CNST: variants seen among roughly 807,000 people sequenced by gnomAD.
CNST encodes the protein consortin.
Under a neutral mutation model 72.4 loss-of-function variants are expected in CNST, and 39 were observed. The observed-to-expected ratio is 0.54, with a 90% CI of 0.42 to 0.70. The LOEUF is 0.70. CNST is among the 30% of genes least tolerant of loss of function. The probability of loss-of-function intolerance (pLI) is 0.00; values close to 1 mark genes in which losing one functional copy is unlikely to be tolerated. For synonymous variants in CNST, 332 were observed against 320.1 expected (o/e 1.04, Z -0.40); for missense variants, 871 against 868.5 (o/e 1.00, Z -0.04).
intron 1 of CNST, among the ~76,000 whole-genome samples, chr1:246,574,881 GTAT>G (rs1290139424): frequency 4.6e-5 from 7 of 151,902 alleles, no homozygotes; most frequent in Non-Finnish European, 1.0e-4. Context: ...ATTTTTAGTA[GTAT>G]TTTATTTAAA....
In CNST at chr1:246,660,242, A is replaced by G. The variant is rs1667016468; in HGVS notation, c.1880A>G (p.Asn627Ser). ...TTGGTCTCCATATTAAAGAAGAGGA[A>G]TGATACTGTAGGAGATCATCCTGCC... is the stretch of plus-strand genomic sequence containing the variant. ...EGLVSILKKR[N>S]DTVGDHPAQM... The change falls in exon 10 of 11, where the codon AAT becomes AGT. Residue 627 changes from asparagine to serine, a missense_variant. Transcript: ENST00000366513. The G allele has an allele frequency of 1.2e-6, 2 of 1,612,958 alleles. No individual in the cohort carries two copies. The highest frequency in any genetic ancestry group is 1.7e-6 in the Non-Finnish European group (2 of 1,179,238).
At chr1:246,582,551 A>G (rs1660866109) in intron 1 of CNST, among the ~76,000 whole-genome samples, 1 of 151,950 alleles carries the variant, frequency 6.6e-6, no homozygotes, top group East Asian at 1.9e-4. Flanking sequence ...TTTACCCCCT[A>G]GTAATTGGTT....
chr1:246,660,795 A>G (rs984540305), intron 10 of CNST, among the ~76,000 whole-genome samples: 1 of 152,180 alleles, frequency 6.6e-6, no homozygotes, highest in East Asian at 1.9e-4. Context: ...GGAGAAACAT[A>G]TAAAATCCAA....
intron 1 of CNST, among the ~76,000 whole-genome samples, chr1:246,576,489 T>G (rs1660443348): frequency 6.6e-6 from 1 of 150,816 alleles, no homozygotes; most frequent in South Asian, 2.1e-4. Flanking sequence ...AAAAATTATG[T>G]TTTTACATCC....
chr1:246,597,113 A>C (rs1661943739), intron 2 of CNST, among the ~76,000 whole-genome samples: 1 of 152,158 alleles, frequency 6.6e-6, no homozygotes, highest in African/African-American at 2.4e-5. Context: ...TATGCCAAAC[A>C]GTTTTCCAAA....
chr1:246,575,045 G>C (rs1432413542), intron 1 of CNST, among the ~76,000 whole-genome samples: 3 of 150,340 alleles, frequency 2.0e-5, no homozygotes, highest in African/African-American at 7.3e-5. Context: ...GCCCAGGCTG[G>C]AGTGCAGTGG....
At chr1:246,638,382 G>A (rs1053855300) in intron 6 of CNST, among the ~76,000 whole-genome samples, 1 of 152,160 alleles carries the variant, frequency 6.6e-6, no homozygotes, top group Non-Finnish European at 1.5e-5. Flanking sequence ...GGGTTTGGTG[G>A]CCCCTGCAAT....
intron 10 of CNST, among the ~76,000 whole-genome samples, chr1:246,660,754 A>G (rs900109527): frequency 2.0e-5 from 3 of 152,240 alleles, no homozygotes; most frequent in Middle Eastern, 6.8e-3. Flanking sequence ...AAATAAAAGA[A>G]TATGTCAGTT....
At chr1:246,616,191 G>A (rs1663676232) in intron 2 of CNST, among the ~76,000 whole-genome samples, 1 of 152,038 alleles carries the variant, frequency 6.6e-6, no homozygotes, top group Non-Finnish European at 1.5e-5. Flanking sequence ...TACATGGGGC[G>A]GTATGTTTTG....
chr1:246,633,917 TA>T lies in CNST; in HGVS notation c.617-6del. The T allele has an allele frequency of 2.5e-6, 4 of 1,575,414 alleles. No individual in the cohort carries two copies. Among genetic ancestry groups the T allele is most frequent in the Non-Finnish European group, 2.6e-6 (3 of 1,144,854 alleles). ...GGATTTCTATTTTCCTTAAATGTTCTATTCAGATGAGAAAGCAATGAAATTC... is the reference window on the plus strand; with the variant it reads ...GGATTTCTATTTTCCTTAAATGTTCTTTCAGATGAGAAAGCAATGAAATTC... On this transcript the variant is annotated splice_polypyrimidine_tract_variant and splice_region_variant and intron_variant, in intron 4 of 10. Coordinates refer to ENST00000366513, the MANE Select transcript of CNST (RefSeq NM_152609.3).
intron 10 of CNST, among the ~76,000 whole-genome samples, chr1:246,664,793 T>TA (rs1191160892): frequency 6.6e-6 from 1 of 152,206 alleles, no homozygotes; most frequent in Non-Finnish European, 1.5e-5. Context: ...TTTTAATAGA[T>TA]ACTGCCAAAT....
intron 1 of CNST, among the ~76,000 whole-genome samples, chr1:246,583,862 T>C (rs1660960388): frequency 6.6e-6 from 1 of 152,244 alleles, no homozygotes; most frequent in African/African-American, 2.4e-5. Context: ...GGCAACATTA[T>C]ATCATAATTT....
chr1:246,647,900 G>GATAA lies in CNST; in HGVS notation c.1700_1703dup (p.Asn568LysfsTer2). On this transcript the variant is annotated frameshift_variant, in exon 9 of 11. Coordinates refer to ENST00000366513, the MANE Select transcript of CNST (RefSeq NM_152609.3). LOFTEE classifies it high-confidence loss of function. ...TACTGAAGATTCCCTTTCCTATGAA[G>GATAA]ATAACCAAGACGACGACTCCGATCT... The GATAA allele has an allele frequency of 6.2e-7, 1 of 1,613,990 alleles. No individual in the cohort carries two copies. Among genetic ancestry groups the GATAA allele is most frequent in the Non-Finnish European group, 8.5e-7 (1 of 1,180,006 alleles).
chr1:246,618,561 A>G lies in CNST; in HGVS notation c.380-2868A>G, dbSNP rs377322086. ...AGATCATATTTTCCTTCCCCTCCCT[A>G]CACTCAATGATTAAAGTACGATATT... On this transcript the variant is annotated intron_variant, in intron 2 of 10. Transcript: ENST00000366513. 3.3e-5 allele frequency among the ~76,000 whole-genome samples: 5 copies of G among 151,768 alleles called. No individual in the cohort carries two copies. The East Asian group carries it at 9.6e-4, about 29-fold the overall frequency.
At chr1:246,614,504 T>C (rs1663548919) in intron 2 of CNST, among the ~76,000 whole-genome samples, 1 of 124,534 alleles carries the variant, frequency 8.0e-6, no homozygotes, top group Non-Finnish European at 1.6e-5. Flanking sequence ...CCATTTTGAC[T>C]GCAATAAATT....
intron 1 of CNST, among the ~76,000 whole-genome samples, chr1:246,569,456 C>A (rs946430462): frequency 2.0e-5 from 3 of 152,204 alleles, no homozygotes; most frequent in African/African-American, 7.2e-5. Context: ...TGTCTTCCTA[C>A]ACTGAGAGTC....
rs1667371990 is a variant in CNST at position 246,665,896 on chromosome 1, C to T, written c.2169C>T (p.Tyr723=). ...TGGCAGAACTGAAGCACTGGATCTACCTCTCCTAGCAGCATTCCAGACACA... is the reference window on the plus strand; with the variant it reads ...TGGCAGAACTGAAGCACTGGATCTATCTCTCCTAGCAGCATTCCAGACACA... ...QGVAELKHWI[Y]LS Residue 723 remains tyrosine, a synonymous_variant, in exon 11 of 11, where the codon TAC becomes TAT. Transcript: ENST00000366513. The T allele has an allele frequency of 6.2e-7, 1 of 1,609,246 alleles. No homozygotes were observed. The highest frequency in any genetic ancestry group is 1.3e-5 in the African/African-American group (1 of 74,818).
intron 1 of CNST, 183 bp downstream of exon 1, chr1:246,566,846 C>T (rs1659728214): frequency 1.3e-5 from 5 of 395,042 alleles, no homozygotes; most frequent in Non-Finnish European, 2.2e-5. Flanking sequence ...CTGTTTTCCT[C>T]TCCTTTCTCA....
chr1:246,627,207 C>A (rs536887011), intron 3 of CNST, among the ~76,000 whole-genome samples: 15 of 152,218 alleles, frequency 9.9e-5, no homozygotes, highest in Non-Finnish European at 1.8e-4. Flanking sequence ...TCTTGTCACT[C>A]CACTGTGCAA....
Sources: allele counts gnomAD v4.1 joint callset (sites outside exome capture counted in the v4.1 genomes callset), GRCh38; gene constraint gnomAD v4.1.1; transcripts MANE v1.5; gene names NCBI Gene and HGNC (gene_info 2026-07-23, HGNC 2026-07-21).